ADRA1A: variants seen among roughly 807,000 people sequenced by gnomAD.
ADRA1A encodes adrenoceptor alpha 1A, also known as alpha-1A adrenergic receptor.
A neutral mutation model predicts 29.6 loss-of-function variants in ADRA1A; 31 were observed. That is an observed-to-expected ratio of 1.05 (90% CI 0.79 to 1.41). The LOEUF is 1.41. Among genes scored for constraint, ADRA1A ranks in the 40% most tolerant of loss-of-function variants. The pLI, the probability that ADRA1A is intolerant of heterozygous loss-of-function variation, is 0.00. For missense variants in ADRA1A, 619 were observed against 601.1 expected, an observed-to-expected ratio of 1.03 and a Z score of -0.31; for synonymous variants, 311 against 254.3, an observed-to-expected ratio of 1.22 and a Z score of -2.12.
intron 2 of ADRA1A, among the ~76,000 whole-genome samples, chr8:26,781,353 C>T (rs1429798573): frequency 1.3e-5 from 2 of 152,204 alleles, no homozygotes; most frequent in African/African-American, 4.8e-5. Context: ...CTTAAAGATA[C>T]ACCCTCCTTC....
chr8:26,757,392 G>C (rs1341366234), intron 2 of ADRA1A, among the ~76,000 whole-genome samples: 3 of 152,026 alleles, frequency 2.0e-5, no homozygotes, highest in African/African-American at 4.8e-5. Context: ...CCACTTAAAG[G>C]GTGCCCCAGA....
downstream of ADRA1A, among the ~76,000 whole-genome samples, chr8:26,762,080 A>G (rs533408021): frequency 2.6e-5 from 4 of 152,286 alleles, no homozygotes; most frequent in South Asian, 4.1e-4. The surrounding 1 kb of genome is among the most constrained non-coding windows in gnomAD (Gnocchi z 4.0). Context: ...AAAGAAAGGA[A>G]CAATAAAGGA....
chr8:26,815,569 C>T lies in ADRA1A; in HGVS notation c.884-44903G>A, dbSNP rs115874289. ...GAAGGAAAATAAACAGAGATCCCTACATGCAAGCTTGAACCCTCACAGAGC... is the reference window on the plus strand; with the variant it reads ...GAAGGAAAATAAACAGAGATCCCTATATGCAAGCTTGAACCCTCACAGAGC... On this transcript the variant is annotated intron_variant, in intron 2 of 2. Transcript: ENST00000380573. The surrounding 1 kb of genome is among the most constrained non-coding windows in gnomAD (Gnocchi z 4.2). 3.9e-3 allele frequency among the ~76,000 whole-genome samples: 587 copies of T among 152,272 alleles called. 5 individuals are homozygous for T. Among genetic ancestry groups the T allele is most frequent in the African/African-American group, 0.013 (523 of 41,544 alleles).
intron 2 of ADRA1A, chr8:26,779,296 C>T: frequency 1.4e-6 from 1 of 702,652 alleles, no homozygotes. Context: ...CACCAAACCC[C>T]ACAGGTGTCT....
chr8:26,839,317 C>T lies in ADRA1A; in HGVS notation c.883+24770G>A, dbSNP rs1229838940. Among the ~76,000 whole-genome samples the T allele has an allele frequency of 3.3e-5, 5 of 152,086 alleles. No homozygotes were observed. The East Asian group carries it at 9.7e-4, about 29-fold the overall frequency. On this transcript the variant is annotated intron_variant, in intron 2 of 2. Transcript: ENST00000380573. ...GGGACTACAGGCTCCTGCCACAACG[C>T]CCAGCTCATTTTTTGTGTCTTTAGT...
rs558845106 is a variant in ADRA1A at position 26,770,370 on chromosome 8, C to A, written c.1180G>T (p.Val394Phe). ...GAAGAGAAAAATTTCCATTCACAAA[C>A]GCCATCCGTCTTGGAGATCCTGTAG... is the stretch of plus-strand genomic sequence containing the variant. The part of the protein sequence containing the change: ...TFYRISKTDG[V>F]CEWKFFSSMP... The change falls in exon 3 of 3, where the codon GTT becomes TTT. Residue 394 changes from valine (V) to phenylalanine (F), a missense_variant. Transcript: ENST00000380573. 8 of 1,614,082 alleles carry A rather than the reference C, an allele frequency of 5.0e-6. No homozygotes were observed. In the African/African-American group the frequency reaches 5.3e-5, roughly 11 times the overall value.
At chr8:26,822,940 A>G (rs1169601767) in intron 2 of ADRA1A, among the ~76,000 whole-genome samples, 1 of 152,138 alleles carries the variant, frequency 6.6e-6, no homozygotes, top group Admixed American at 6.6e-5. Context: ...TGACAGCACC[A>G]AGGGAAGATG....
intron 2 of ADRA1A, among the ~76,000 whole-genome samples, chr8:26,809,476 CA>C (rs1333541140): frequency 6.6e-6 from 1 of 152,172 alleles, no homozygotes; most frequent in Non-Finnish European, 1.5e-5. Flanking sequence ...CTCTAAGATC[CA>C]GAACTGCACA....
At chr8:26,757,468 G>C (rs1430729214) in intron 2 of ADRA1A, among the ~76,000 whole-genome samples, 1 of 151,930 alleles carries the variant, frequency 6.6e-6, no homozygotes, top group Admixed American at 6.6e-5. Flanking sequence ...GCTTCCATGA[G>C]AGTCTGGAAG....
chr8:26,832,331 T>G (rs1157728388), intron 2 of ADRA1A, among the ~76,000 whole-genome samples: 1 of 152,090 alleles, frequency 6.6e-6, no homozygotes, highest in Non-Finnish European at 1.5e-5. Context: ...AATCCCCCTC[T>G]TAGGAATCTC....
At chr8:26,854,007 TCTCTCTCTGC>T (rs1379470248) in intron 2 of ADRA1A, 2 of 152,186 alleles carry the variant, frequency 1.3e-5, no homozygotes, top group East Asian at 3.9e-4. Context: ...TGCCTCTCTC[TCTCTCTCTGC>T]CTCTCTCTCT....
At chr8:26,838,086 AG>A (rs1178141777) in intron 2 of ADRA1A, among the ~76,000 whole-genome samples, 3 of 152,240 alleles carry the variant, frequency 2.0e-5, no homozygotes, top group African/African-American at 7.2e-5. Flanking sequence ...TAAGCCAAGT[AG>A]TTGAGTACAA....
Position 26,867,277 on chromosome 8 carries a change from T to C in ADRA1A, c.-1028A>G. On this transcript the variant is annotated 5_prime_UTR_variant, in exon 1 of 3. Transcript: ENST00000380573. ...ACTTTGCAGCTCTCGCTGACGTAAC[T>C]CAGGCAGTAGCCCAGCTAGTACCGT... 1.0e-6 allele frequency: 1 copy of C among 985,458 alleles called. No homozygotes were observed. 61.0% of individuals were successfully genotyped at this position (985,458 alleles called of 1,614,324 possible).
At chr8:26,819,064 A>G (rs1809970866) in intron 2 of ADRA1A, among the ~76,000 whole-genome samples, 1 of 152,210 alleles carries the variant, frequency 6.6e-6, no homozygotes, top group South Asian at 2.1e-4. Context: ...TTAAAAGTCA[A>G]AGACAAAGAG....
Position 26,815,445 on chromosome 8 carries a change from A to C in ADRA1A, c.884-44779T>G, listed in dbSNP as rs1274574104. On this transcript the variant is annotated intron_variant, in intron 2 of 2. Coordinates refer to ENST00000380573, the MANE Select transcript of ADRA1A (RefSeq NM_000680.4). This position sits in a 1 kb window ranked among gnomAD's most constrained non-coding sequence, Gnocchi z 4.2. ...AAGTATTAATGTAACACTGATTTCAAGCTACCTTATGGGATTTGTTGGTCT... is the reference window on the plus strand; with the variant it reads ...AAGTATTAATGTAACACTGATTTCACGCTACCTTATGGGATTTGTTGGTCT... Among the ~76,000 whole-genome samples the C allele has an allele frequency of 6.6e-6, 1 of 152,234 alleles. No individual in the cohort carries two copies. Among genetic ancestry groups the C allele is most frequent in the Non-Finnish European group, 1.5e-5 (1 of 68,054 alleles).
chr8:26,821,706 C>A lies in ADRA1A; in HGVS notation c.883+42381G>T, dbSNP rs1038370558. On this transcript the variant is annotated intron_variant, in intron 2 of 2. Transcript: ENST00000380573. The surrounding 1 kb of genome is among the most constrained non-coding windows in gnomAD (Gnocchi z 5.6). ...AAGATACAGAATAGTTCCATCCTGG[C>A]AAGGAGCTCTCAAATAGTCCTTTTA... Among the ~76,000 whole-genome samples the A allele has an allele frequency of 3.3e-5, 5 of 152,174 alleles. No individual in the cohort carries two copies. The highest frequency in any genetic ancestry group is 7.2e-5 in the African/African-American group (3 of 41,452).
chr8:26,763,224 C>A (rs1805604496), downstream of ADRA1A, among the ~76,000 whole-genome samples: 1 of 152,138 alleles, frequency 6.6e-6, no homozygotes, highest in African/African-American at 2.4e-5. This position sits in a 1 kb window ranked among gnomAD's most constrained non-coding sequence, Gnocchi z 4.5. Flanking sequence ...TGTGGGGTGC[C>A]ATGTCCAGGA....
At chr8:26,773,370 C>T (rs760966942) in intron 2 of ADRA1A, among the ~76,000 whole-genome samples, 1 of 152,108 alleles carries the variant, frequency 6.6e-6, no homozygotes, top group Non-Finnish European at 1.5e-5. Context: ...TGTGCAAATG[C>T]GGTCAGTTCC....
At chr8:26,783,291 T>G (rs1018641352) in intron 2 of ADRA1A, among the ~76,000 whole-genome samples, 4 of 152,194 alleles carry the variant, frequency 2.6e-5, no homozygotes, top group African/African-American at 9.7e-5. Flanking sequence ...GTAATCCAAG[T>G]GCCCACCCAG....
Sources: allele counts gnomAD v4.1 joint callset (sites outside exome capture counted in the v4.1 genomes callset), GRCh38; gene constraint gnomAD v4.1.1; non-coding constraint Gnocchi (gnomAD v3.1); transcripts MANE v1.5; gene names NCBI Gene and HGNC (gene_info 2026-07-23, HGNC 2026-07-21).